ZCCHC2: variants seen among roughly 807,000 people sequenced by gnomAD.
ZCCHC2 encodes zinc finger CCHC domain-containing protein 2.
Under a neutral mutation model 103.6 loss-of-function variants are expected in ZCCHC2, and 39 were observed. The ratio of observed to expected loss-of-function variants is 0.38; its 90% CI spans 0.29 to 0.49. The LOEUF (loss-of-function observed/expected upper bound fraction) is 0.49. Ranked by LOEUF, ZCCHC2 falls within the 20% of genes least tolerant of loss-of-function variation. The probability of loss-of-function intolerance (pLI) is 0.96; values close to 1 mark genes in which losing one functional copy is unlikely to be tolerated. For missense variants in ZCCHC2, 1,483 were observed against 1,491.0 expected (o/e 0.99, Z 0.09); for synonymous variants, 687 against 608.9 (o/e 1.13, Z -1.89).
At chr18:62,562,973 C>A (rs1475401110) in intron 8 of ZCCHC2, 36 bp from the exon 9 acceptor site, 1 of 1,585,356 alleles carries the variant, frequency 6.3e-7, no homozygotes, top group Non-Finnish European at 8.6e-7. Flanking sequence ...TTATTGAGGG[C>A]AGATTTTCAC....
intron 3 of ZCCHC2, among the ~76,000 whole-genome samples, chr18:62,543,644 G>A (rs1915294617): frequency 6.6e-6 from 1 of 152,060 alleles, no homozygotes; most frequent in African/African-American, 2.4e-5. Flanking sequence ...CCGAGGACAG[G>A]CCACCTTCTG....
intron 2 of ZCCHC2, among the ~76,000 whole-genome samples, chr18:62,541,820 A>G (rs1448451209): frequency 1.3e-5 from 2 of 152,230 alleles, no homozygotes; most frequent in South Asian, 2.1e-4. Context: ...ACATTTGCTT[A>G]CTTCATGAAT....
intron 2 of ZCCHC2, among the ~76,000 whole-genome samples, chr18:62,540,275 A>G (rs781629000): frequency 3.9e-5 from 6 of 152,342 alleles, no homozygotes; most frequent in South Asian, 4.1e-4. Context: ...ATGAATTCAA[A>G]TTATTCTTTC....
rs765677209 is a variant in ZCCHC2, at chr18:62,523,779, C to G, written c.355C>G (p.Leu119Val). The G allele has an allele frequency of 6.5e-7, 1 of 1,538,656 alleles. No homozygotes were observed. Among genetic ancestry groups the G allele is most frequent in the Non-Finnish European group, 8.7e-7 (1 of 1,145,928 alleles). The change falls in exon 1 of 14, where the codon CTG becomes GTG. Residue 119 changes from leucine (L) to valine (V), a missense_variant. By Grantham distance (32) the Leu-to-Val change is conservative (BLOSUM62 1). Around this residue, in one of 3 missense-constraint regions of ZCCHC2, gnomAD observed 568 missense variants for 525.1 expected, o/e 1.08. Coordinates refer to ENST00000269499, the MANE Select transcript of ZCCHC2 (RefSeq NM_017742.6). ...AQRLEFMCGL[L>V]DLCNPLELRF... is the part of the protein sequence containing the mutation. ...GCGCCTGGAGTTCATGTGCGGGCTG[C>G]TGGACCTGTGCAACCCGCTGGAGCT...
At chr18:62,556,172 A>G (rs1419898848) in intron 5 of ZCCHC2, 31 bp from the exon 6 acceptor site, 12 of 1,540,070 alleles carry the variant, frequency 7.8e-6, no homozygotes, top group Middle Eastern at 1.7e-4. Flanking sequence ...ATTACCTGAA[A>G]TTAACAAATC....
chr18:62,564,914 G>T, intron 10 of ZCCHC2, 88 bp from the exon 11 acceptor site: 1 of 976,280 alleles, frequency 1.0e-6, no homozygotes, highest in Non-Finnish European at 1.5e-6. Context: ...AATTTGAAGA[G>T]TCTTGAAGGA....
intron 11 of ZCCHC2, among the ~76,000 whole-genome samples, chr18:62,565,590 C>T (rs191445306): frequency 1.3e-5 from 2 of 152,228 alleles, no homozygotes; most frequent in Admixed American, 6.5e-5. Context: ...CATTTACCCA[C>T]CACTATTTTA....
At chr18:62,573,941 C>T (rs1916692930) in intron 12 of ZCCHC2, 116 bp from the exon 13 acceptor site, 1 of 1,086,020 alleles carries the variant, frequency 9.2e-7, no homozygotes, top group Non-Finnish European at 1.3e-6. Flanking sequence ...AGTCAGGAAA[C>T]ATAGAGGGAC....
intron 7 of ZCCHC2, 45 bp downstream of exon 7, chr18:62,558,815 C>A: frequency 2.4e-6 from 3 of 1,274,802 alleles, no homozygotes; most frequent in South Asian, 1.4e-5. Flanking sequence ...CTGCTGATAG[C>A]ACATGGATAG....
downstream of ZCCHC2, among the ~76,000 whole-genome samples, chr18:62,582,085 A>G (rs1000727264): frequency 2.6e-5 from 4 of 152,272 alleles, no homozygotes; most frequent in African/African-American, 9.6e-5. Flanking sequence ...TTGTGGGTAC[A>G]GTAGATAAAA....
At chr18:62,547,771 A>C (rs1425047123) in intron 4 of ZCCHC2, among the ~76,000 whole-genome samples, 1 of 152,128 alleles carries the variant, frequency 6.6e-6, no homozygotes, top group African/African-American at 2.4e-5. Flanking sequence ...CATGTTGCCC[A>C]GGCTGATCTT....
Position 62,544,840 on chromosome 18 carries a change from A to G in ZCCHC2, c.1167A>G (p.Lys389=). Residue 389 remains lysine (K), a synonymous_variant, in exon 4 of 14, where the codon AAA becomes AAG. Coordinates refer to ENST00000269499, the MANE Select transcript of ZCCHC2 (RefSeq NM_017742.6). ...ATCTTTCAGTCACAACAGTAACAAA[A>G]ACCCACCAAGAACTACAGGAATTTC... ...WSDLSVTTVT[K]THQELQEFLL... 1 of 1,546,162 alleles carries G rather than the reference A, an allele frequency of 6.5e-7. No individual in the cohort carries two copies. The highest frequency in any genetic ancestry group is 1.4e-5 in the African/African-American group (1 of 72,378).
In ZCCHC2 at chr18:62,574,953, C is replaced by A. The variant is rs541200595; in HGVS notation, c.2872C>A (p.Pro958Thr). 1 of 1,613,916 alleles carries A rather than the reference C, an allele frequency of 6.2e-7. No homozygotes were observed. The highest frequency in any genetic ancestry group is 1.1e-5 in the South Asian group (1 of 91,082). ...AGISQAQATV[P>T]PAVPTHTPGP... ...TATCAGCCAGGCCCAGGCAACTGTT[C>A]CTCCTGCAGTTCCTACCCACACCCC... Residue 958 changes from proline to threonine, a missense_variant, in exon 13 of 14, where the codon CCT becomes ACT. Pro to Thr is a conservative substitution (Grantham distance 38). Coordinates refer to ENST00000269499, the MANE Select transcript of ZCCHC2 (RefSeq NM_017742.6).
rs1303085685 is a variant in ZCCHC2 at position 62,574,472 on chromosome 18, A to AAT, written c.2392_2393insTA (p.Thr798IlefsTer19). The AAT allele has an allele frequency of 6.2e-7, 1 of 1,613,988 alleles. No individual in the cohort carries two copies. The highest frequency in any genetic ancestry group is 2.2e-5 in the East Asian group (1 of 44,874). On this transcript the variant is annotated frameshift_variant, in exon 13 of 14. Transcript: ENST00000269499. LOFTEE classifies it high-confidence loss of function. ...TGGCTTCCCCTTTACCTATTCCATC[A>AAT]ACCTTCCTTCCACACAGTAGTACTC... is the stretch of plus-strand genomic sequence containing the variant.
intron 1 of ZCCHC2, chr18:62,526,255 T>A (rs1476300167): frequency 6.6e-6 from 1 of 152,246 alleles, no homozygotes; most frequent in Non-Finnish European, 1.5e-5. Flanking sequence ...TTGGGCATCC[T>A]GCCATTAACG....
At chr18:62,566,537 T>C (rs1295888573) in intron 11 of ZCCHC2, among the ~76,000 whole-genome samples, 5 of 152,252 alleles carry the variant, frequency 3.3e-5, no homozygotes. Context: ...TGCTGCCGTG[T>C]TTGTTTTCTA....
chr18:62,537,569 C>T (rs1914982690), intron 1 of ZCCHC2, among the ~76,000 whole-genome samples: 1 of 152,218 alleles, frequency 6.6e-6, no homozygotes, highest in African/African-American at 2.4e-5. Flanking sequence ...TTTCACCTAG[C>T]ATACTCTCTT....
At chr18:62,540,821 G>C (rs1428413133) in intron 2 of ZCCHC2, among the ~76,000 whole-genome samples, 3 of 151,984 alleles carry the variant, frequency 2.0e-5, no homozygotes, top group African/African-American at 7.3e-5. Context: ...ATTTATGAGG[G>C]TTGGGGGTAC....
At position 62,524,074 on chromosome 18, in the gene ZCCHC2, C is replaced by T; in HGVS notation, c.650C>T (p.Ala217Val). The T allele has an allele frequency of 1.3e-6, 2 of 1,501,018 alleles. No individual in the cohort carries two copies. Among genetic ancestry groups the T allele is most frequent in the Non-Finnish European group, 1.8e-6 (2 of 1,133,022 alleles). 93.0% of individuals were successfully genotyped at this position (1,501,018 alleles called of 1,614,324 possible). ...CGGGGCGAGGGCTCGCGGGGCGGCGCGGAGGACGAGCGCGGCGAGGACGGC... is the reference window on the plus strand; with the variant it reads ...CGGGGCGAGGGCTCGCGGGGCGGCGTGGAGGACGAGCGCGGCGAGGACGGC... ...AARGEGSRGG[A>V]EDERGEDGDG... The change falls in exon 1 of 14, where the codon GCG becomes GTG. Residue 217 changes from alanine to valine, a missense_variant. Around this residue, in one of 3 missense-constraint regions of ZCCHC2, gnomAD observed 568 missense variants for 525.1 expected, o/e 1.08. Transcript: ENST00000269499.
Sources: gnomAD v4.1 joint callset for allele counts (sites outside exome capture counted in the v4.1 genomes callset) on GRCh38, gnomAD v4.1.1 for gene constraint, gnomAD v4.1.1 regional missense constraint, MANE v1.5 for transcripts, NCBI Gene and HGNC (gene_info 2026-07-23, HGNC 2026-07-21) for gene names.